FGR: variants seen among roughly 807,000 people sequenced by gnomAD.
FGR encodes tyrosine-protein kinase Fgr.
A neutral mutation model predicts 63.2 loss-of-function variants in FGR; 26 were observed. The observed-to-expected ratio is 0.41, with a 90% confidence interval of 0.30 to 0.57. The LOEUF is 0.57. Ranked by LOEUF, FGR falls within the 20% of genes least tolerant of loss-of-function variation. The pLI is 0.27. For synonymous variants in FGR, 286 were observed against 277.7 expected, an observed-to-expected ratio of 1.03 and a Z score of -0.30; for missense variants, 511 against 690.8, an observed-to-expected ratio of 0.74 and a Z score of 2.92.
intron 2 of FGR, 83 bp from the exon 3 acceptor site, chr1:27,624,012 G>T (rs184415524): frequency 8.7e-5 from 103 of 1,178,582 alleles, no homozygotes; most frequent in Middle Eastern, 6.0e-4. Flanking sequence ...ATGCTCATAC[G>T]CTCATACAGG....
chr1:27,612,618 A>G lies in FGR; in HGVS notation c.*296T>C. The G allele has an allele frequency of 2.7e-6, 1 of 368,776 alleles. No homozygotes were observed. Among genetic ancestry groups the G allele is most frequent in the South Asian group, 4.5e-5 (1 of 22,232 alleles). 22.8% of individuals were successfully genotyped at this position (368,776 alleles called of 1,614,324 possible). On this transcript the variant is annotated 3_prime_UTR_variant, in exon 13 of 13. Transcript: ENST00000374005. ...ATACAGTTTTATAAATAACTAGACA[A>G]GGTCTGAGCACTTTGGGTGGGGATG...
intron 1 of FGR, among the ~76,000 whole-genome samples, chr1:27,628,500 AC>A (rs1488199736): frequency 4.2e-5 from 2 of 48,068 alleles, no homozygotes; most frequent in Non-Finnish European, 8.9e-5. Context: ...CTGTCCCCCC[AC>A]CCCCCATGTA....
intron 1 of FGR, among the ~76,000 whole-genome samples, chr1:27,633,394 G>A (rs1178147853): frequency 6.6e-6 from 1 of 152,160 alleles, no homozygotes; most frequent in South Asian, 2.1e-4. Flanking sequence ...GTACACACCC[G>A]AGGGGCGGCC....
At chr1:27,629,210 AAAAAG>A (rs553090572) in intron 1 of FGR, among the ~76,000 whole-genome samples, 43 of 152,184 alleles carry the variant, frequency 2.8e-4, no homozygotes, top group African/African-American at 3.6e-4. Context: ...TGACTCTCAA[AAAAAG>A]AAAAGAAAAG....
In FGR at chr1:27,612,887, G is replaced by T. The variant is rs774045760; in HGVS notation, c.*27C>A. On this transcript the variant is annotated 3_prime_UTR_variant, in exon 13 of 13. Transcript: ENST00000374005. ...GGATTGGCAAGGACTGGTGGCCACC[G>T]CCAGAGAGGGTTGATGCCCGGACAG... 1 of 1,599,740 alleles carries T rather than the reference G, an allele frequency of 6.3e-7. No homozygotes were observed. Among genetic ancestry groups the T allele is most frequent in the Non-Finnish European group, 8.5e-7 (1 of 1,170,748 alleles).
At chr1:27,633,189 G>A (rs1327039031) in intron 1 of FGR, among the ~76,000 whole-genome samples, 1 of 152,142 alleles carries the variant, frequency 6.6e-6, no homozygotes, top group African/African-American at 2.4e-5. Flanking sequence ...ACTTGGTAGG[G>A]ATGAGGTAAG....
At chr1:27,632,751 G>A (rs535789807) in intron 1 of FGR, among the ~76,000 whole-genome samples, 50 of 152,222 alleles carry the variant, frequency 3.3e-4, no homozygotes, top group South Asian at 3.1e-3. Context: ...GCGGCGGGGG[G>A]CGGGGGTCCA....
chr1:27,617,407 G>A lies in FGR; in HGVS notation c.429-111C>T, dbSNP rs2089835977. On this transcript the variant is annotated intron_variant, in intron 5 of 12. Coordinates refer to ENST00000374005, the MANE Select transcript of FGR (RefSeq NM_005248.3). The surrounding 1 kb of genome is among the most constrained non-coding windows in gnomAD (Gnocchi z 4.5). Reference sequence around the variant, plus strand: ...TCCATTTTCCCCATGTGTAAAATGGGGCTGGTACACCTGCTTCACATCCTG... The same window carrying A: ...TCCATTTTCCCCATGTGTAAAATGGAGCTGGTACACCTGCTTCACATCCTG... The A allele has an allele frequency of 4.0e-6, 3 of 743,814 alleles. No homozygotes were observed. Among genetic ancestry groups the A allele is most frequent in the Non-Finnish European group, 7.0e-6 (3 of 426,794 alleles). 46.1% of individuals were successfully genotyped at this position (743,814 alleles called of 1,614,324 possible).
rs1427494235 is a variant in FGR, at chr1:27,615,564, G to A, written c.888C>T (p.Gly296=). 8 of 1,613,558 alleles carry A rather than the reference G, an allele frequency of 5.0e-6. No individual in the cohort carries two copies. The highest frequency in any genetic ancestry group is 6.8e-6 in the Non-Finnish European group (8 of 1,179,620). The change falls in exon 9 of 13, where the codon GGC becomes GGT. Residue 296 remains glycine, a synonymous_variant. Coordinates refer to ENST00000374005, the MANE Select transcript of FGR (RefSeq NM_005248.3). The surrounding 1 kb of genome is among the most constrained non-coding windows in gnomAD (Gnocchi z 7.6). Reference sequence around the variant, plus strand: ...CCAGGAAGGCCTTCGGGGACATGGTGCCCGGCTTCAGCGTCTTCACCGCCA... The same window carrying A: ...CCAGGAAGGCCTTCGGGGACATGGTACCCGGCTTCAGCGTCTTCACCGCCA... ...TKVAVKTLKP[G]TMSPKAFLEE...
chr1:27,618,082 G>C (rs988978622), intron 5 of FGR, among the ~76,000 whole-genome samples: 2 of 152,176 alleles, frequency 1.3e-5, no homozygotes, highest in African/African-American at 4.8e-5. Context: ...TCAAACCAAG[G>C]GTGGTGGAAG....
In FGR at chr1:27,623,058, G is replaced by A. The variant is rs770062509; in HGVS notation, c.313C>T (p.His105Tyr). The change falls in exon 4 of 13, where the codon CAC becomes TAC. Residue 105 changes from histidine to tyrosine, a missense_variant. By Grantham distance (83) the His-to-Tyr change is moderately conservative (BLOSUM62 2). Coordinates refer to ENST00000374005, the MANE Select transcript of FGR (RefSeq NM_005248.3). ...GTCACTTACGTATTGTTCAGGATGT[G>A]GAACTTCTCGCCCTTGGTGAAGGTG... ...DLTFTKGEKF[H>Y]ILNNTEGDWW... The A allele has an allele frequency of 1.9e-5, 31 of 1,613,574 alleles. No homozygotes were observed. In the Admixed American group the frequency reaches 4.3e-4, roughly 23 times the overall value.
At chr1:27,622,011 G>A (rs944453130) in intron 4 of FGR, among the ~76,000 whole-genome samples, 4 of 152,072 alleles carry the variant, frequency 2.6e-5, no homozygotes, top group Non-Finnish European at 5.9e-5. Context: ...TCTCAATGTG[G>A]CTTAAAAAGC....
chr1:27,621,204 C>T (rs117799461), intron 5 of FGR, among the ~76,000 whole-genome samples: 1 of 152,064 alleles, frequency 6.6e-6, no homozygotes, highest in East Asian at 1.9e-4. Flanking sequence ...CAAATGCAGC[C>T]CAACTATCTG....
chr1:27,627,646 T>TC (rs1439715245), intron 1 of FGR, among the ~76,000 whole-genome samples: 2 of 152,216 alleles, frequency 1.3e-5, no homozygotes, highest in Non-Finnish European at 2.9e-5. Flanking sequence ...TTCACTCTTG[T>TC]CACCCAGGCT....
Position 27,623,909 on chromosome 1 carries a change from C to T in FGR, c.8G>A (p.Cys3Tyr). 1 of 1,589,510 alleles carries T rather than the reference C, an allele frequency of 6.3e-7. No homozygotes were observed. The highest frequency in any genetic ancestry group is 1.3e-5 in the African/African-American group (1 of 74,390). ...CGGCTCCAATTTCTTGCAGAACACA[C>T]AGCCCATTCCAGGTTCCCTGCTACA... MGCVFCKKLEPVA... is the reference protein window; with the variant it reads MGYVFCKKLEPVA... The change falls in exon 3 of 13, where the codon TGT (cysteine) becomes TAT (tyrosine). Residue 3 changes from cysteine (C) to tyrosine (Y), a missense_variant. By Grantham distance (194) the Cys-to-Tyr change is radical (BLOSUM62 -2). Transcript: ENST00000374005.
At chr1:27,622,325 C>G (rs897833598) in intron 4 of FGR, among the ~76,000 whole-genome samples, 2 of 150,902 alleles carry the variant, frequency 1.3e-5, no homozygotes, top group African/African-American at 2.4e-5. Context: ...CAGAATCTGC[C>G]TCTGCCTACC....
chr1:27,626,933 G>C (rs571587060), intron 1 of FGR, among the ~76,000 whole-genome samples: 1 of 152,246 alleles, frequency 6.6e-6, no homozygotes, highest in East Asian at 1.9e-4. Flanking sequence ...TTGGTAGGCC[G>C]AGGCAGGATG....
intron 11 of FGR, 128 bp from the exon 12 acceptor site, chr1:27,613,478 G>A (rs1275459239): frequency 2.0e-5 from 20 of 1,007,496 alleles, no homozygotes; most frequent in Middle Eastern, 2.6e-4. Flanking sequence ...CAAGGCAGGC[G>A]GATCACTTGA....
rs1557724510 is a variant in FGR at position 27,613,204 on chromosome 1, C to T, written c.1381+15G>A. 3 of 1,612,144 alleles carry T rather than the reference C, an allele frequency of 1.9e-6. No homozygotes were observed. Among genetic ancestry groups the T allele is most frequent in the Non-Finnish European group, 2.5e-6 (3 of 1,178,432 alleles). ...GACCATCCCCCACCCCAGCCCTACC[C>T]CTGGCGAGGCAAACCTGGGTAGGGG... On this transcript the variant is annotated intron_variant, in intron 12 of 12. Transcript: ENST00000374005.
Sources: allele counts gnomAD v4.1 joint callset (sites outside exome capture counted in the v4.1 genomes callset), GRCh38; gene constraint gnomAD v4.1.1; non-coding constraint Gnocchi (gnomAD v3.1); transcripts MANE v1.5; gene names NCBI Gene and HGNC (gene_info 2026-07-23, HGNC 2026-07-21).